DCAF12: variants seen among roughly 807,000 people sequenced by gnomAD.
The protein encoded by DCAF12 is DDB1 and CUL4 associated factor 12.
A neutral mutation model predicts 52.8 loss-of-function variants in DCAF12; 28 were observed. The observed-to-expected ratio is 0.53, with a 90% CI of 0.39 to 0.73. The LOEUF (loss-of-function observed/expected upper bound fraction) is 0.73, where lower values mean the gene tolerates loss of function less well. DCAF12 is among the 30% of genes least tolerant of loss of function. DCAF12 has a pLI of 0.00. For synonymous variants in DCAF12, 196 were observed against 215.5 expected (o/e 0.91, Z 0.79); for missense variants, 425 against 552.2 (o/e 0.77, Z 2.31).
At chr9:34,120,296 C>A (rs1829151303) in intron 2 of DCAF12, among the ~76,000 whole-genome samples, 1 of 149,554 alleles carries the variant, frequency 6.7e-6, no homozygotes, top group Non-Finnish European at 1.5e-5. Context: ...AGGAGGATCC[C>A]TTGGGCCCAG....
In DCAF12 at chr9:34,105,530, C is replaced by T. The variant is rs117274212; in HGVS notation, c.601+904G>A. 4.5e-3 allele frequency among the ~76,000 whole-genome samples: 681 copies of T among 151,924 alleles called. 2 individuals are homozygous for T. The highest frequency in any genetic ancestry group is 0.01 in the Middle Eastern group (3 of 294). ...GTGTGAAGGTGTGTGCCTATAGTCC[C>T]AGCTACCTGGGAGCCTGAGGCAGAA... On this transcript the variant is annotated intron_variant, in intron 4 of 8. Transcript: ENST00000361264.
rs757770355 is a variant in DCAF12, at chr9:34,089,549, C to T, written c.1066G>A (p.Gly356Arg). 6.2e-7 allele frequency: 1 copy of T among 1,613,414 alleles called. No homozygotes were observed. Among genetic ancestry groups the T allele is most frequent in the South Asian group, 1.1e-5 (1 of 90,992 alleles). The change falls in exon 8 of 9, where the codon GGA becomes AGA. Residue 356 changes from glycine to arginine, a missense_variant. This residue lies in a region of DCAF12 where 328 missense variants were observed against 444.4 expected (regional missense o/e 0.74). Coordinates refer to ENST00000361264, the MANE Select transcript of DCAF12 (RefSeq NM_015397.4). Reference sequence around the variant, plus strand: ...AACAGCAGGGAGCCCTGCCCTGTTCCCACAGTGATGATGTGCTCGTAGAAA... The same window carrying T: ...AACAGCAGGGAGCCCTGCCCTGTTCTCACAGTGATGATGTGCTCGTAGAAA... ...VSFYEHIITV[G>R]TGQGSLLFYD...
intron 2 of DCAF12, among the ~76,000 whole-genome samples, chr9:34,117,781 G>T (rs1829110313): frequency 6.6e-6 from 1 of 152,050 alleles, no homozygotes; most frequent in Non-Finnish European, 1.5e-5. Flanking sequence ...GGGTGTGGTG[G>T]CGCATGCCTG....
intron 5 of DCAF12, among the ~76,000 whole-genome samples, chr9:34,097,640 TAAAG>T (rs1160834789): frequency 6.6e-6 from 1 of 151,738 alleles, no homozygotes; most frequent in Admixed American, 6.6e-5. Context: ...AAGTAGGCAG[TAAAG>T]AATACTGGCC....
chr9:34,094,137 G>A (rs561282193), intron 6 of DCAF12, among the ~76,000 whole-genome samples: 60 of 152,250 alleles, frequency 3.9e-4, no homozygotes, highest in African/African-American at 1.4e-3. Flanking sequence ...GGGCGTGGTG[G>A]CTAACGTCTG....
rs1828589615 is a variant in DCAF12, at chr9:34,088,235, T to C, written c.*115A>G. The C allele has an allele frequency of 5.0e-6, 6 of 1,209,220 alleles. No individual in the cohort carries two copies. In the South Asian group the frequency reaches 1.1e-4, roughly 22 times the overall value. The allele number at this position is 1,209,220 out of a possible 1,614,324, so 74.9% of individuals were successfully genotyped here. A position where few individuals can be genotyped will look rare whatever the true frequency, so the allele number is the denominator to read the frequency against. On this transcript the variant is annotated 3_prime_UTR_variant, in exon 9 of 9. Transcript: ENST00000361264. ...TAAGTGCCTAAACTATAGGCAAACTTTGGTGTTCCCACTAAAACACAAGAG... is the reference window on the plus strand; with the variant it reads ...TAAGTGCCTAAACTATAGGCAAACTCTGGTGTTCCCACTAAAACACAAGAG...
intron 2 of DCAF12, among the ~76,000 whole-genome samples, chr9:34,110,721 C>G (rs2131437545): frequency 6.6e-6 from 1 of 152,140 alleles, no homozygotes; most frequent in South Asian, 2.1e-4. Flanking sequence ...GAGGTCAAGG[C>G]TGCAGTGAGC....
chr9:34,088,518 GAGAA>G lies in DCAF12; in HGVS notation c.1204-14_1204-11del, dbSNP rs762150402. ...AGGTTTCATCATGATTCTACGGGAA[GAGAA>G]AGAGACTACAATTAGCACCTCTAGC... is the stretch of plus-strand genomic sequence containing the variant. On this transcript the variant is annotated splice_polypyrimidine_tract_variant and intron_variant, in intron 8 of 8. Transcript: ENST00000361264. 6.2e-7 allele frequency: 1 copy of G among 1,614,040 alleles called. No homozygotes were observed. The highest frequency in any genetic ancestry group is 1.1e-5 in the South Asian group (1 of 91,076).
In DCAF12 at chr9:34,088,336, T is replaced by C. The variant is rs780939428; in HGVS notation, c.*14A>G. ...TGGAAGTTAGTGTAAATCTCTGCAT[T>C]TGGGGAGTTGTCATTAACTCCAGAG... On this transcript the variant is annotated 3_prime_UTR_variant, in exon 9 of 9. Coordinates refer to ENST00000361264, the MANE Select transcript of DCAF12 (RefSeq NM_015397.4). 1.4e-5 allele frequency: 22 copies of C among 1,536,816 alleles called. No homozygotes were observed. The East Asian group carries it at 5.1e-4, about 36-fold the overall frequency.
chr9:34,108,640 G>A (rs1022422081), intron 2 of DCAF12, among the ~76,000 whole-genome samples: 1 of 151,924 alleles, frequency 6.6e-6, no homozygotes, highest in African/African-American at 2.4e-5. Context: ...TACAAAATTA[G>A]CTGGGCATGG....
At chr9:34,093,245 C>T in intron 7 of DCAF12, 41 bp downstream of exon 7, 1 of 1,610,520 alleles carries the variant, frequency 6.2e-7, no homozygotes, top group Non-Finnish European at 8.5e-7. Flanking sequence ...AACCCATATG[C>T]AGTGCAGCTG....
chr9:34,106,439 A>G lies in DCAF12; in HGVS notation c.596T>C (p.Val199Ala), dbSNP rs1240540134. The G allele has an allele frequency of 1.9e-6, 3 of 1,606,638 alleles. No individual in the cohort carries two copies. Among genetic ancestry groups the G allele is most frequent in the Non-Finnish European group, 2.6e-6 (3 of 1,175,106 alleles). Residue 199 changes from valine to alanine, a missense_variant, in exon 4 of 9, where the codon GTG becomes GCG. Physicochemically the swap from Val to Ala is moderately conservative, Grantham distance 64. This residue lies in a region of DCAF12 where 328 missense variants were observed against 444.4 expected (regional missense o/e 0.74). Coordinates refer to ENST00000361264, the MANE Select transcript of DCAF12 (RefSeq NM_015397.4). ...CTATAAAAGGGCAACTTTACCAGAC[A>G]CTGCCATAGTGTCGCTGATCCATGC... ...SIAWISDTMA[V>A]SGSRDGSMGL... is the part of the protein sequence containing the mutation.
At position 34,103,829 on chromosome 9, in the gene DCAF12, A is replaced by C. The variant is rs1587735360; in HGVS notation, c.601+2605T>G. 2.0e-5 allele frequency among the ~76,000 whole-genome samples: 3 copies of C among 152,176 alleles called. No individual in the cohort carries two copies. The East Asian group carries it at 5.8e-4, about 29-fold the overall frequency. The stretch of plus-strand genomic sequence containing the variant: ...GCACTCCAGCCTACATAACAGAGTG[A>C]GACCCTGTCTCAACAACAACAACAG... On this transcript the variant is annotated intron_variant, in intron 4 of 8. Transcript: ENST00000361264.
chr9:34,111,510 A>G (rs1829003187), intron 2 of DCAF12, among the ~76,000 whole-genome samples: 1 of 152,196 alleles, frequency 6.6e-6, no homozygotes, highest in South Asian at 2.1e-4. Context: ...CTAAGTGCAG[A>G]GAATTTATCT....
intron 2 of DCAF12, among the ~76,000 whole-genome samples, chr9:34,112,343 C>CTTTGGGAGG (rs1829017073): frequency 1.3e-5 from 2 of 152,136 alleles, no homozygotes; most frequent in Non-Finnish European, 2.9e-5. Context: ...CGCCTGTAAT[C>CTTTGGGAGG]CCAGTACTTT....
Position 34,098,436 on chromosome 9 carries a change from C to T in DCAF12, c.683G>A (p.Arg228Gln), listed in dbSNP as rs762188593. The T allele has an allele frequency of 1.4e-5, 23 of 1,614,036 alleles. No individual in the cohort carries two copies. The highest frequency in any genetic ancestry group is 3.3e-4 in the Middle Eastern group (2 of 6,078). ...TKSDARHNVS[R>Q]VPVYAHITHK... The stretch of plus-strand genomic sequence containing the variant: ...AGTGATGTGTGCATACACAGGGACC[C>T]GTGACACATTGTGTCTCGCATCACT... The change falls in exon 5 of 9, where the codon CGG (arginine) becomes CAG (glutamine). Residue 228 changes from arginine (R) to glutamine (Q), a missense_variant. Transcript: ENST00000361264.
chr9:34,091,641 A>C, intron 7 of DCAF12, among the ~76,000 whole-genome samples: 1 of 147,542 alleles, frequency 6.8e-6, no homozygotes, highest in African/African-American at 2.5e-5. Flanking sequence ...CCTGTCTTCA[A>C]AAAAAAAAAA....
rs1828564735 is a variant in DCAF12, at chr9:34,086,874, T to C, written c.*1476A>G. On this transcript the variant is annotated 3_prime_UTR_variant, in exon 9 of 9. Coordinates refer to ENST00000361264, the MANE Select transcript of DCAF12 (RefSeq NM_015397.4). ...CAACTGGGAGAACAAGTTAAAAAAC[T>C]GGGGTGCAGGAATAAATATGACTTT... is the stretch of plus-strand genomic sequence containing the variant. 1 of 152,178 alleles carries C rather than the reference T, an allele frequency of 6.6e-6. No individual in the cohort carries two copies. Among genetic ancestry groups the C allele is most frequent in the South Asian group, 2.1e-4 (1 of 4,836 alleles). The allele number at this position is 152,178 out of a possible 1,614,324, so 9.4% of individuals were successfully genotyped here.
At chr9:34,088,535 T>G in intron 8 of DCAF12, 27 bp from the exon 9 acceptor site, 7 of 1,613,314 alleles carry the variant, frequency 4.3e-6, no homozygotes, top group Non-Finnish European at 5.9e-6. Flanking sequence ...AGACTACAAT[T>G]AGCACCTCTA....
Sources: gnomAD v4.1 joint callset for allele counts (sites outside exome capture counted in the v4.1 genomes callset) on GRCh38, gnomAD v4.1.1 for gene constraint, gnomAD v4.1.1 regional missense constraint, MANE v1.5 for transcripts, NCBI Gene and HGNC (gene_info 2026-07-23, HGNC 2026-07-21) for gene names.